PAK4: variants seen among roughly 807,000 people sequenced by gnomAD.
PAK4 encodes the protein serine/threonine-protein kinase PAK 4.
A neutral mutation model predicts 53.5 loss-of-function variants in PAK4; 49 were observed. The ratio of observed to expected loss-of-function variants is 0.92; its 90% CI spans 0.73 to 1.16. The LOEUF is 1.16. Ranked by LOEUF, PAK4 falls within the 50% of genes most tolerant of loss-of-function variation. PAK4 has a pLI of 0.00. For synonymous variants in PAK4, 376 were observed against 375.6 expected, an observed-to-expected ratio of 1.00 and a Z score of -0.01; for missense variants, 824 against 850.7, an observed-to-expected ratio of 0.97 and a Z score of 0.39.
intron 1 of PAK4, among the ~76,000 whole-genome samples, chr19:39,169,056 C>T (rs2074426708): frequency 6.6e-6 from 1 of 152,170 alleles, no homozygotes; most frequent in Non-Finnish European, 1.5e-5. Context: ...ACAGGATTTC[C>T]ATGAGTTCCG....
At chr19:39,146,207 G>GGGAGACAGACAT (rs11268286) in intron 1 of PAK4, among the ~76,000 whole-genome samples, 93,249 of 151,572 alleles carry the variant, frequency 0.62, 28,916 homozygotes, top group East Asian at 0.82. Flanking sequence ...AATACAGTGA[G>GGGAGACAGACAT]GGAGACAGAC....
At chr19:39,129,642 G>T (rs1206773947) in intron 1 of PAK4, among the ~76,000 whole-genome samples, 3 of 66,104 alleles carry the variant, frequency 4.5e-5, no homozygotes, top group Non-Finnish European at 2.8e-5. Context: ...CACCCACCAG[G>T]CTGTTTGGAA....
At chr19:39,171,065 G>A (rs2074469367) in intron 2 of PAK4, among the ~76,000 whole-genome samples, 1 of 152,278 alleles carries the variant, frequency 6.6e-6, no homozygotes, top group Non-Finnish European at 1.5e-5. Context: ...AGGCCTGCCT[G>A]TGACTGTCCC....
At chr19:39,144,820 C>T (rs918898080) in intron 1 of PAK4, among the ~76,000 whole-genome samples, 3 of 151,948 alleles carry the variant, frequency 2.0e-5, no homozygotes, top group Non-Finnish European at 2.9e-5. Context: ...TAAAGAGAGA[C>T]GGTAAAGAAA....
In PAK4 at chr19:39,175,538, C is replaced by T; in HGVS notation, c.1359+100C>T. 1 of 1,297,120 alleles carries T rather than the reference C, an allele frequency of 7.7e-7. No homozygotes were observed. The highest frequency in any genetic ancestry group is 1.5e-5 in the African/African-American group (1 of 68,244). The allele number at this position is 1,297,120 out of a possible 1,614,324, so 80.4% of individuals were successfully genotyped here. A position where few individuals can be genotyped will look rare whatever the true frequency, so the allele number is the denominator to read the frequency against. ...TGTGAGGGTAGGTGAGCTCTGACCC[C>T]CAGGTCTGTGTCTTGAGGAGCTGGG... On this transcript the variant is annotated intron_variant, in intron 6 of 8. Coordinates refer to ENST00000358301, the Ensembl canonical transcript of PAK4. This position sits in a 1 kb window ranked among gnomAD's most constrained non-coding sequence, Gnocchi z 4.7.
intron 1 of PAK4, among the ~76,000 whole-genome samples, chr19:39,166,986 C>T (rs1466009668): frequency 6.6e-6 from 1 of 152,240 alleles, no homozygotes; most frequent in African/African-American, 2.4e-5. Context: ...GCCCCTTGCC[C>T]CCTTCCCTTG....
rs139146805 is a variant in PAK4, at chr19:39,127,836, G to A, written c.-23+1917G>A. Among the ~76,000 whole-genome samples, 716 of 152,288 alleles carry A rather than the reference G, an allele frequency of 4.7e-3. 8 individuals carry two copies. The highest frequency in any genetic ancestry group is 0.016 in the African/African-American group (681 of 41,570). On this transcript the variant is annotated intron_variant, in intron 1 of 8. Transcript: ENST00000358301. ...TCCCCTGGGAAGGCTCTGAAGGATG[G>A]GGAGGAGGGCTGGGAATGGGCTTAC...
Position 39,176,653 on chromosome 19 carries a change from C to T in PAK4, c.1423C>T (p.Leu475=), listed in dbSNP as rs11559034. Residue 475 remains leucine, a synonymous_variant, in exon 7 of 9, where the codon CTG becomes TTG. Coordinates refer to ENST00000358301, the Ensembl canonical transcript of PAK4. Reference sequence around the variant, plus strand: ...CAAGGAAGTGCCCCGAAGGAAGTCGCTGGTCGGCACGCCCTACTGGATGGC... The same window carrying T: ...CAAGGAAGTGCCCCGAAGGAAGTCGTTGGTCGGCACGCCCTACTGGATGGC... 4.0e-3 allele frequency: 6,452 copies of T among 1,613,602 alleles called. 33 individuals carry two copies. The highest frequency in any genetic ancestry group is 9.1e-3 in the Middle Eastern group (55 of 6,060).
intron 1 of PAK4, among the ~76,000 whole-genome samples, chr19:39,133,415 A>G (rs1292460243): frequency 6.6e-6 from 1 of 152,016 alleles, no homozygotes; most frequent in Non-Finnish European, 1.5e-5. Flanking sequence ...CCTCCCATCA[A>G]CTCCAAGACA....
chr19:39,134,656 G>A (rs2073777251), intron 1 of PAK4, among the ~76,000 whole-genome samples: 1 of 151,894 alleles, frequency 6.6e-6, no homozygotes. Context: ...CTGGAGTGCA[G>A]TGGTGCAATC....
At position 39,147,231 on chromosome 19, in the gene PAK4, A is replaced by G. The variant is rs546194790; in HGVS notation, c.-23+21312A>G. Among the ~76,000 whole-genome samples, 3 of 152,250 alleles carry G rather than the reference A, an allele frequency of 2.0e-5. No individual in the cohort carries two copies. The South Asian group carries it at 6.2e-4, about 32-fold the overall frequency. ...ATTCCCCCATTGTTAGGATTTTGTCAATTCAAGAATGTTATGTAAATGGAG... is the reference window on the plus strand; with the variant it reads ...ATTCCCCCATTGTTAGGATTTTGTCGATTCAAGAATGTTATGTAAATGGAG... On this transcript the variant is annotated intron_variant, in intron 1 of 8. Transcript: ENST00000358301.
intron 1 of PAK4, among the ~76,000 whole-genome samples, chr19:39,148,868 G>A (rs563819562): frequency 1.1e-3 from 166 of 151,358 alleles, no homozygotes; most frequent in African/African-American, 3.8e-3. Context: ...TTTTTCCCCC[G>A]TTTGGCATGT....
At chr19:39,182,771 A>C (rs2074710383), downstream of PAK4, 2 of 151,926 alleles carry the variant, frequency 1.3e-5, no homozygotes, top group Non-Finnish European at 2.9e-5. Context: ...GTGAGCTGAG[A>C]TCACATCACT....
chr19:39,180,983 G>A (rs184840808), downstream of PAK4: 3 of 152,228 alleles, frequency 2.0e-5, no homozygotes, highest in African/African-American at 7.2e-5. Context: ...AGAAACCACG[G>A]GCTCAGAGAC....
At chr19:39,154,723 A>G (rs1168490939) in intron 1 of PAK4, among the ~76,000 whole-genome samples, 1 of 152,082 alleles carries the variant, frequency 6.6e-6, no homozygotes, top group Non-Finnish European at 1.5e-5. Context: ...ACTCCCCGCC[A>G]GAGCCCAAAC....
intron 1 of PAK4, among the ~76,000 whole-genome samples, chr19:39,128,845 C>T (rs2073643390): frequency 6.6e-6 from 1 of 152,192 alleles, no homozygotes; most frequent in Non-Finnish European, 1.5e-5. Context: ...GCTCTTGCCC[C>T]TGGCTGCACA....
At chr19:39,128,342 G>A (rs149137901) in intron 1 of PAK4, among the ~76,000 whole-genome samples, 3 of 152,274 alleles carry the variant, frequency 2.0e-5, no homozygotes, top group Non-Finnish European at 2.9e-5. Flanking sequence ...CGCTCCACCT[G>A]CCTCCTGGCT....
intron 1 of PAK4, among the ~76,000 whole-genome samples, chr19:39,158,333 ATGTC>A (rs2144756242): frequency 6.6e-6 from 1 of 152,130 alleles, no homozygotes; most frequent in South Asian, 2.1e-4. Flanking sequence ...TGCCTGGTGT[ATGTC>A]CTGGCGTCTG....
intron 1 of PAK4, among the ~76,000 whole-genome samples, chr19:39,162,047 C>T (rs1439779591): frequency 2.0e-5 from 3 of 152,144 alleles, no homozygotes; most frequent in Non-Finnish European, 4.4e-5. Flanking sequence ...GCAACTTCCA[C>T]CTCCCAGGTT....
Sources: allele counts gnomAD v4.1 joint callset (sites outside exome capture counted in the v4.1 genomes callset), GRCh38; gene constraint gnomAD v4.1.1; non-coding constraint Gnocchi (gnomAD v3.1); transcripts MANE v1.5; gene names NCBI Gene and HGNC (gene_info 2026-07-23, HGNC 2026-07-21).